The following RAP1GAP2 variants were observed in gnomAD, a reference collection of about 807,000 sequenced individuals.
The protein encoded by RAP1GAP2 is RAP1 GTPase activating protein 2, also known as rap1 GTPase-activating protein 2.
A neutral mutation model predicts 95.0 loss-of-function variants in RAP1GAP2; 27 were observed. The ratio of observed to expected loss-of-function variants is 0.28; its 90% CI spans 0.21 to 0.39. The LOEUF (loss-of-function observed/expected upper bound fraction) is 0.39. RAP1GAP2 is among the 10% of genes least tolerant of loss of function. The pLI is 1.00. For missense variants in RAP1GAP2, 771 were observed against 970.0 expected, an observed-to-expected ratio of 0.79 and a Z score of 2.72; for synonymous variants, 373 against 380.9, an observed-to-expected ratio of 0.98 and a Z score of 0.24.
At position 3,027,046 on chromosome 17, in the gene RAP1GAP2, A is replaced by G. The variant is rs1214308561; in HGVS notation, c.2083A>G (p.Ile695Val). 5.1e-6 allele frequency: 8 copies of G among 1,578,228 alleles called. No homozygotes were observed. Among genetic ancestry groups the G allele is most frequent in the Middle Eastern group, 1.7e-4 (1 of 6,034 alleles). The part of the protein sequence containing the change: ...SPSLGAAATP[I>V]IMSRSPTDAK... ...CAGCCTGGGGGCAGCTGCCACCCCGATCATCATGAGCCGGAGTCCCACAGG... is the reference window on the plus strand; with the variant it reads ...CAGCCTGGGGGCAGCTGCCACCCCGGTCATCATGAGCCGGAGTCCCACAGG... Residue 695 changes from isoleucine to valine, a missense_variant, in exon 22 of 25, where the codon ATC (isoleucine) becomes GTC (valine). By Grantham distance (29) the Ile-to-Val change is conservative. Coordinates refer to ENST00000254695, the MANE Select transcript of RAP1GAP2 (RefSeq NM_015085.5). This position sits in a 1 kb window ranked among gnomAD's most constrained non-coding sequence, Gnocchi z 5.2.
At chr17:2,958,929 C>T (rs887099176) in intron 4 of RAP1GAP2, among the ~76,000 whole-genome samples, 1 of 152,082 alleles carries the variant, frequency 6.6e-6, no homozygotes. Context: ...TTGTCCTCTG[C>T]GCCCAGCAGC....
chr17:2,837,707 C>A (rs538714003), intron 2 of RAP1GAP2, among the ~76,000 whole-genome samples: 16 of 150,028 alleles, frequency 1.1e-4, no homozygotes, highest in African/African-American at 3.9e-4. Flanking sequence ...CCCGGGTTCA[C>A]GCCATTCTTC....
intron 3 of RAP1GAP2, among the ~76,000 whole-genome samples, chr17:2,928,043 C>G (rs941122265): frequency 5.5e-5 from 8 of 144,146 alleles, no homozygotes; most frequent in Admixed American, 5.1e-4. Flanking sequence ...GTTTTGTTAC[C>G]GTCAGTCAGC....
chr17:2,931,744 A>G (rs2043163933), intron 3 of RAP1GAP2, among the ~76,000 whole-genome samples: 1 of 152,204 alleles, frequency 6.6e-6, no homozygotes, highest in East Asian at 1.9e-4. Flanking sequence ...AGAACATGCA[A>G]TTTGCAGATG....
rs576596181 is a variant in RAP1GAP2 at position 3,013,637 on chromosome 17, T to C, written c.1495-4424T>C. ...TTTTTCTTTTCTTTTCTTTTCTTTT[T>C]TTTTTTTTTTTTTTTTGGTGGGAGC... On this transcript the variant is annotated intron_variant, in intron 17 of 24. Coordinates refer to ENST00000254695, the MANE Select transcript of RAP1GAP2 (RefSeq NM_015085.5). 1.0e-4 allele frequency among the ~76,000 whole-genome samples: 14 copies of C among 136,656 alleles called. 1 individual carries two copies. Among genetic ancestry groups the C allele is most frequent in the East Asian group, 4.0e-4 (2 of 4,940 alleles). 89.7% of individuals were successfully genotyped at this position (136,656 alleles called of 152,430 possible).
intron 2 of RAP1GAP2, among the ~76,000 whole-genome samples, chr17:2,881,652 T>C (rs544075864): frequency 1.2e-4 from 19 of 152,366 alleles, no homozygotes; most frequent in African/African-American, 4.1e-4. Context: ...TGGAGTGGAA[T>C]TGCTGGGTCA....
At chr17:3,019,056 T>G (rs1400934950) in intron 18 of RAP1GAP2, among the ~76,000 whole-genome samples, 1 of 151,696 alleles carries the variant, frequency 6.6e-6, no homozygotes, top group Non-Finnish European at 1.5e-5. Context: ...CGAGACTGTC[T>G]CAAAAAAACA....
chr17:2,848,989 A>G (rs2071707126), intron 2 of RAP1GAP2, among the ~76,000 whole-genome samples: 1 of 151,960 alleles, frequency 6.6e-6, no homozygotes. Flanking sequence ...GTACCTGCCA[A>G]GAGTGGAGGT....
In RAP1GAP2 at chr17:2,827,992, T is replaced by C. The variant is rs1022901622; in HGVS notation, c.80+27442T>C. Among the ~76,000 whole-genome samples the C allele has an allele frequency of 2.0e-5, 3 of 152,134 alleles. No homozygotes were observed. Among genetic ancestry groups the C allele is most frequent in the Non-Finnish European group, 4.4e-5 (3 of 68,024 alleles). On this transcript the variant is annotated intron_variant, in intron 2 of 24. Transcript: ENST00000254695. This position sits in a 1 kb window ranked among gnomAD's most constrained non-coding sequence, Gnocchi z 4.1. ...AGCCACAAGAGGCCGTCCCTGGGCC[T>C]GCAAGCATGAGATGAGCCGAGCACT...
intron 2 of RAP1GAP2, among the ~76,000 whole-genome samples, chr17:2,844,839 A>C (rs1439024505): frequency 6.6e-6 from 1 of 152,184 alleles, no homozygotes; most frequent in African/African-American, 2.4e-5. Flanking sequence ...TCAGGGACTG[A>C]TAGAGGAGAA....
chr17:2,808,410 C>G (rs565590635), intron 2 of RAP1GAP2, among the ~76,000 whole-genome samples: 9 of 152,238 alleles, frequency 5.9e-5, no homozygotes, highest in African/African-American at 2.2e-4. Context: ...GAGTAAGACT[C>G]TGAATGTAAA....
intron 2 of RAP1GAP2, among the ~76,000 whole-genome samples, chr17:2,818,423 A>C (rs891933352): frequency 2.5e-4 from 38 of 151,458 alleles, no homozygotes; most frequent in Non-Finnish European, 4.6e-4. Flanking sequence ...CTCCCGGTTC[A>C]AGTAATTCTC....
chr17:2,804,491 T>TGTGAGTGA (rs2151486282), intron 2 of RAP1GAP2, among the ~76,000 whole-genome samples: 1 of 152,284 alleles, frequency 6.6e-6, no homozygotes, highest in East Asian at 1.9e-4. Flanking sequence ...TGGAGCTGAG[T>TGTGAGTGA]GGTTCTCACA....
At chr17:2,882,845 C>T (rs2073358608) in intron 2 of RAP1GAP2, among the ~76,000 whole-genome samples, 1 of 152,214 alleles carries the variant, frequency 6.6e-6, no homozygotes, top group Admixed American at 6.5e-5. Context: ...AGTAGGGACT[C>T]AAACGTGACT....
At chr17:2,950,459 C>T (rs1738613509) in intron 3 of RAP1GAP2, among the ~76,000 whole-genome samples, 2 of 152,102 alleles carry the variant, frequency 1.3e-5, no homozygotes, top group African/African-American at 4.8e-5. Context: ...ACAAAGCATG[C>T]TTCCAGAGGG....
At chr17:2,991,868 G>A (rs532733601) in intron 12 of RAP1GAP2, among the ~76,000 whole-genome samples, 35 of 152,272 alleles carry the variant, frequency 2.3e-4, no homozygotes, top group East Asian at 1.9e-4. Flanking sequence ...AGGTTCAGGC[G>A]ATTCTCCTGC....
chr17:2,778,880 C>G (rs752619858), intron 1 of RAP1GAP2, among the ~76,000 whole-genome samples: 2 of 152,172 alleles, frequency 1.3e-5, no homozygotes, highest in Non-Finnish European at 2.9e-5. Flanking sequence ...TTCTGAGGAG[C>G]CTTACAGACA....
intron 10 of RAP1GAP2, among the ~76,000 whole-genome samples, chr17:2,981,812 G>T (rs2045369078): frequency 6.6e-6 from 1 of 152,182 alleles, no homozygotes; most frequent in South Asian, 2.1e-4. Flanking sequence ...GTGGGAAGAA[G>T]AGCAATAATA....
At chr17:2,967,102 C>T (rs2044636320) in intron 8 of RAP1GAP2, among the ~76,000 whole-genome samples, 2 of 152,204 alleles carry the variant, frequency 1.3e-5, no homozygotes, top group African/African-American at 4.8e-5. Context: ...GGCACGGTGG[C>T]TCACGCCTGT....
Sources: allele counts gnomAD v4.1 joint callset (sites outside exome capture counted in the v4.1 genomes callset), GRCh38; gene constraint gnomAD v4.1.1; non-coding constraint Gnocchi (gnomAD v3.1); transcripts MANE v1.5; gene names NCBI Gene and HGNC (gene_info 2026-07-23, HGNC 2026-07-21).